Variants in ZNF423 observed in about 807,000 individuals in gnomAD.
ZNF423 encodes the protein zinc finger protein 423, also known as Ebf-associated zinc finger protein.
Under a neutral mutation model 95.8 loss-of-function variants are expected in ZNF423, and 12 were observed. The ratio of observed to expected loss-of-function variants is 0.13; its 90% CI spans 0.08 to 0.20. ZNF423 has a LOEUF of 0.20. Ranked by LOEUF, ZNF423 falls within the 10% of genes least tolerant of loss-of-function variation. The pLI, the probability that ZNF423 is intolerant of heterozygous loss-of-function variation, is 1.00. For missense variants in ZNF423, 1,316 were observed against 1,737.1 expected, an observed-to-expected ratio of 0.76 and a Z score of 4.31; for synonymous variants, 749 against 711.9, an observed-to-expected ratio of 1.05 and a Z score of -0.83.
intron 3 of ZNF423, among the ~76,000 whole-genome samples, chr16:49,703,326 A>G (rs755257986): frequency 6.6e-6 from 1 of 152,216 alleles, no homozygotes; most frequent in South Asian, 2.1e-4. Context: ...CATGTGAAGG[A>G]GTAAAAATCA....
chr16:49,841,319 T>A (rs1366121087), intron 1 of ZNF423, among the ~76,000 whole-genome samples: 1 of 152,160 alleles, frequency 6.6e-6, no homozygotes, highest in African/African-American at 2.4e-5. Context: ...GGTCACTGTA[T>A]GACCTTGGAC....
At chr16:49,673,995 T>C (rs1167918471) in intron 3 of ZNF423, among the ~76,000 whole-genome samples, 2 of 151,818 alleles carry the variant, frequency 1.3e-5, no homozygotes, top group Non-Finnish European at 1.5e-5. Flanking sequence ...TCTTAATTTA[T>C]AGAAAAAAAT....
chr16:49,711,588 T>C (rs932786069), intron 3 of ZNF423: 3 of 152,142 alleles, frequency 2.0e-5, no homozygotes, highest in Non-Finnish European at 4.4e-5. Flanking sequence ...TACAGACCAC[T>C]GAAAAAGAAA....
At chr16:49,634,603 G>A (rs1972617882) in intron 4 of ZNF423, among the ~76,000 whole-genome samples, 1 of 152,280 alleles carries the variant, frequency 6.6e-6, no homozygotes, top group African/African-American at 2.4e-5. Flanking sequence ...CCCAGCCGGT[G>A]CCTATGGCAG....
intron 1 of ZNF423, chr16:49,854,499 C>A: frequency 9.1e-6 from 9 of 985,484 alleles, no homozygotes; most frequent in Middle Eastern, 5.2e-4. Context: ...CAGAGCAGAA[C>A]TGGGCTCAGG....
chr16:49,750,283 T>C (rs2033609681), intron 2 of ZNF423, among the ~76,000 whole-genome samples: 1 of 152,204 alleles, frequency 6.6e-6, no homozygotes, highest in Admixed American at 6.5e-5. Context: ...TGAGGCTTCC[T>C]GGGTTTTGTC....
chr16:49,853,987 G>A, intron 1 of ZNF423: 1 of 985,400 alleles, frequency 1.0e-6, no homozygotes, highest in African/African-American at 1.7e-5. Flanking sequence ...CTCTTAAGTG[G>A]CTCCTGAAGG....
intron 3 of ZNF423, among the ~76,000 whole-genome samples, chr16:49,700,891 G>T (rs1188511599): frequency 6.6e-6 from 1 of 152,070 alleles, no homozygotes; most frequent in Admixed American, 6.5e-5. Context: ...AGAAAGGAGG[G>T]AGGAGGCAGG....
At position 49,629,176 on chromosome 16, in the gene ZNF423, G is replaced by T. The variant is rs945281281; in HGVS notation, c.3517-2922C>A. On this transcript the variant is annotated intron_variant, in intron 4 of 7. Coordinates refer to ENST00000563137, the MANE Select transcript of ZNF423 (RefSeq NM_001379286.1). ...AAATGTTATGATGAGCTCTTGCATG[G>T]TGCACACTTTTCTTTCCTTTTACTT... 4.6e-5 allele frequency among the ~76,000 whole-genome samples: 7 copies of T among 152,104 alleles called. 1 individual carries two copies. Among genetic ancestry groups the T allele is most frequent in the Admixed American group, 4.6e-4 (7 of 15,272 alleles).
chr16:49,689,972 T>C (rs1313709648), intron 3 of ZNF423, among the ~76,000 whole-genome samples: 1 of 152,136 alleles, frequency 6.6e-6, no homozygotes, highest in Admixed American at 6.5e-5. Context: ...TAGCCTGGAC[T>C]GTTTCACTCT....
intron 1 of ZNF423, among the ~76,000 whole-genome samples, chr16:49,830,165 G>C (rs2035046764): frequency 3.3e-5 from 5 of 152,196 alleles, no homozygotes; most frequent in African/African-American, 1.2e-4. Context: ...CGCAGAAGAG[G>C]TGACATTGAA....
chr16:49,749,625 C>T (rs1194082078), intron 2 of ZNF423, among the ~76,000 whole-genome samples: 1 of 152,204 alleles, frequency 6.6e-6, no homozygotes. Context: ...TGGGATCCTG[C>T]GCCACACGCT....
At chr16:49,731,664 T>TAAAA (rs1423744569) in intron 2 of ZNF423, among the ~76,000 whole-genome samples, 1 of 140,808 alleles carries the variant, frequency 7.1e-6, no homozygotes. Flanking sequence ...AAAAAAAAAT[T>TAAAA]TTTTTTTAAT....
chr16:49,692,723 A>G (rs2031832719), intron 3 of ZNF423, among the ~76,000 whole-genome samples: 1 of 152,208 alleles, frequency 6.6e-6, no homozygotes, highest in Admixed American at 6.5e-5. Flanking sequence ...CCCACTCACA[A>G]CATGCTAGAC....
intron 5 of ZNF423, among the ~76,000 whole-genome samples, chr16:49,593,928 C>A (rs868460117): frequency 2.6e-5 from 4 of 152,122 alleles, no homozygotes; most frequent in Non-Finnish European, 4.4e-5. Flanking sequence ...CTCCTCCTGG[C>A]CCCCCATGGA....
intron 5 of ZNF423, among the ~76,000 whole-genome samples, chr16:49,558,343 A>G (rs1258318499): frequency 6.6e-6 from 1 of 152,208 alleles, no homozygotes; most frequent in Non-Finnish European, 1.5e-5. Context: ...CCCCAGGAGC[A>G]TTAGCTAGTA....
intron 2 of ZNF423, among the ~76,000 whole-genome samples, chr16:49,767,356 C>G (rs928111008): frequency 3.9e-5 from 6 of 152,188 alleles, no homozygotes; most frequent in Non-Finnish European, 7.3e-5. Context: ...GAAAGCAGAA[C>G]TCGAAGTGGG....
chr16:49,686,989 T>G (rs1429936406), intron 3 of ZNF423, among the ~76,000 whole-genome samples: 2 of 151,980 alleles, frequency 1.3e-5, no homozygotes, highest in Admixed American at 6.6e-5. Flanking sequence ...CAGGGTCTCC[T>G]GCCTGGAGGG....
intron 2 of ZNF423, among the ~76,000 whole-genome samples, chr16:49,764,948 G>A (rs2033903130): frequency 6.8e-6 from 1 of 146,706 alleles, no homozygotes; most frequent in Non-Finnish European, 1.5e-5. Context: ...TAGTAGAGAC[G>A]CGGTTTCACC....
Sources: allele counts gnomAD v4.1 joint callset (sites outside exome capture counted in the v4.1 genomes callset), GRCh38; gene constraint gnomAD v4.1.1; transcripts MANE v1.5; gene names NCBI Gene and HGNC (gene_info 2026-07-23, HGNC 2026-07-21).